Variants in ESR1 observed in about 807,000 individuals in gnomAD.
ESR1 encodes estrogen receptor 1, also known as estrogen receptor.
A neutral mutation model predicts 52.7 loss-of-function variants in ESR1; 12 were observed. The observed-to-expected ratio is 0.23, with a 90% CI of 0.15 to 0.37. The LOEUF is 0.37. ESR1 is among the 10% of genes least tolerant of loss of function. The probability of loss-of-function intolerance (pLI) is 1.00; values close to 1 mark genes in which losing one functional copy is unlikely to be tolerated. For synonymous variants in ESR1, 305 were observed against 316.8 expected (o/e 0.96, Z 0.39); for missense variants, 584 against 779.7 (o/e 0.75, Z 2.99).
intron 3 of ESR1, among the ~76,000 whole-genome samples, chr6:151,935,863 A>C (rs2034291239): frequency 6.6e-6 from 1 of 152,182 alleles, no homozygotes; most frequent in Non-Finnish European, 1.5e-5. Flanking sequence ...TGAATTTCTT[A>C]GTGATTCTGA....
At chr6:152,111,881 C>T (rs1410206329) in intron 6 of ESR1, among the ~76,000 whole-genome samples, 2 of 152,216 alleles carry the variant, frequency 1.3e-5, no homozygotes, top group African/African-American at 4.8e-5. Flanking sequence ...AAAATTGGAG[C>T]TGCCAGATGG....
At chr6:151,921,468 T>G (rs1316970097) in intron 3 of ESR1, among the ~76,000 whole-genome samples, 3 of 152,228 alleles carry the variant, frequency 2.0e-5, no homozygotes, top group South Asian at 2.1e-4. Flanking sequence ...GATTGCCAGG[T>G]TGAATGGTAT....
chr6:151,931,306 A>G (rs2033566745), intron 3 of ESR1, among the ~76,000 whole-genome samples: 1 of 152,164 alleles, frequency 6.6e-6, no homozygotes, highest in African/African-American at 2.4e-5. Context: ...TCAATTGATT[A>G]GTCCTCAAAG....
chr6:152,057,208 T>C (rs542642941), intron 5 of ESR1, among the ~76,000 whole-genome samples: 2 of 152,278 alleles, frequency 1.3e-5, no homozygotes, highest in Non-Finnish European at 2.9e-5. Context: ...AGATTGTAGG[T>C]TGACAAATCA....
intron 7 of ESR1, among the ~76,000 whole-genome samples, chr6:152,097,626 G>A (rs551849664): frequency 2.0e-5 from 3 of 152,200 alleles, no homozygotes; most frequent in South Asian, 4.2e-4. Flanking sequence ...CCCCACCCCC[G>A]CCACCAGTAG....
intron 4 of ESR1, among the ~76,000 whole-genome samples, chr6:151,966,118 A>C (rs938809722): frequency 6.6e-6 from 1 of 152,146 alleles, no homozygotes; most frequent in Non-Finnish European, 1.5e-5. Context: ...TCTTATACCC[A>C]AAAAATTTGC....
intron 4 of ESR1, among the ~76,000 whole-genome samples, chr6:152,010,498 T>C (rs1009543460): frequency 2.0e-5 from 3 of 152,022 alleles, no homozygotes; most frequent in African/African-American, 7.2e-5. Context: ...AAACAGACTA[T>C]GATGGGATAT....
chr6:151,804,068 G>A (rs971571382), upstream of ESR1, among the ~76,000 whole-genome samples: 1 of 141,060 alleles, frequency 7.1e-6, no homozygotes, highest in Non-Finnish European at 1.6e-5. Context: ...GAGAGGGTAG[G>A]GAGGGAAGCC....
intron 6 of ESR1, among the ~76,000 whole-genome samples, chr6:152,092,692 C>T (rs1277187108): frequency 1.3e-5 from 2 of 152,168 alleles, no homozygotes; most frequent in African/African-American, 2.4e-5. Context: ...CCCTGCAAGG[C>T]GCTGTGATTA....
intron 4 of ESR1, among the ~76,000 whole-genome samples, chr6:151,957,750 G>A (rs3020393): frequency 0.81 from 121,911 of 150,062 alleles, 49,073 homozygotes; most frequent in Middle Eastern, 0.88. Context: ...TCCTATTTCA[G>A]ATGTGACTGT....
At chr6:152,034,085 G>A (rs575916656) in intron 5 of ESR1, among the ~76,000 whole-genome samples, 2 of 148,064 alleles carry the variant, frequency 1.4e-5, no homozygotes, top group South Asian at 4.4e-4. Context: ...GGTGGGAGTT[G>A]AACAATGAGA....
chr6:151,990,455 T>C (rs1336522822), intron 4 of ESR1, among the ~76,000 whole-genome samples: 1 of 152,134 alleles, frequency 6.6e-6, no homozygotes, highest in East Asian at 1.9e-4. Flanking sequence ...CTTCCTTCTG[T>C]GGCTGTGTAA....
At chr6:151,993,297 A>T (rs1264756516) in intron 4 of ESR1, among the ~76,000 whole-genome samples, 2 of 152,290 alleles carry the variant, frequency 1.3e-5, no homozygotes, top group South Asian at 4.1e-4. Flanking sequence ...TGCTGCTGAC[A>T]TACTGTCCAA....
chr6:152,045,968 T>C (rs2046199434), intron 5 of ESR1, among the ~76,000 whole-genome samples: 1 of 152,216 alleles, frequency 6.6e-6, no homozygotes, highest in South Asian at 2.1e-4. Flanking sequence ...ATCATTATTT[T>C]AGAACTGGAA....
chr6:151,925,975 T>A (rs1239619577), intron 3 of ESR1, among the ~76,000 whole-genome samples: 2 of 152,198 alleles, frequency 1.3e-5, no homozygotes, highest in Non-Finnish European at 2.9e-5. Context: ...AAGTTTTGTT[T>A]AAGGTGTAAG....
At position 152,101,771 on chromosome 6, in the gene ESR1, A is replaced by G. The variant is rs1361902346; in HGVS notation, c.*2805A>G. ...GGATTCAGGAATCTGGGGAATGGCAAATATATTAAGAAGAGTATTGAAAGT... is the reference window on the plus strand; with the variant it reads ...GGATTCAGGAATCTGGGGAATGGCAGATATATTAAGAAGAGTATTGAAAGT... On this transcript the variant is annotated 3_prime_UTR_variant, in exon 8 of 8. Coordinates refer to ENST00000206249, the MANE Select transcript of ESR1 (RefSeq NM_000125.4). 1 of 229,918 alleles carries G rather than the reference A, an allele frequency of 4.3e-6. No homozygotes were observed. The highest frequency in any genetic ancestry group is 2.2e-5 in the African/African-American group (1 of 45,174). The allele number at this position is 229,918 out of a possible 1,614,324, so 14.2% of individuals were successfully genotyped here. A position where few individuals can be genotyped will look rare whatever the true frequency, so the allele number is the denominator to read the frequency against.
chr6:152,025,370 A>T (rs1294351465), intron 5 of ESR1, among the ~76,000 whole-genome samples: 2 of 151,856 alleles, frequency 1.3e-5, no homozygotes, highest in African/African-American at 4.8e-5. Flanking sequence ...GCACCTGGAC[A>T]TGGTGACTTC....
chr6:151,866,572 G>T (rs1324532064), intron 2 of ESR1, among the ~76,000 whole-genome samples: 1 of 152,040 alleles, frequency 6.6e-6, no homozygotes, highest in Non-Finnish European at 1.5e-5. Context: ...GCGAGAACAT[G>T]CAGTGTTTGG....
chr6:151,734,955 T>C (rs1782535918), intron 2 of ESR1, among the ~76,000 whole-genome samples: 1 of 152,086 alleles, frequency 6.6e-6, no homozygotes, highest in African/African-American at 2.4e-5. Flanking sequence ...ATGTGAAAAC[T>C]GAAATGAAGA....
Sources: allele counts gnomAD v4.1 joint callset (sites outside exome capture counted in the v4.1 genomes callset), GRCh38; gene constraint gnomAD v4.1.1; transcripts MANE v1.5; gene names NCBI Gene and HGNC (gene_info 2026-07-23, HGNC 2026-07-21).